GABRA3: variants seen among roughly 807,000 people sequenced by gnomAD.
GABRA3 encodes the protein gamma-aminobutyric acid type A receptor subunit alpha3.
A neutral mutation model predicts 30.1 loss-of-function variants in GABRA3; 10 were observed. That is an observed-to-expected ratio of 0.33 (90% CI 0.20 to 0.56). The LOEUF is 0.56. GABRA3 is among the 20% of genes least tolerant of loss of function. GABRA3 has a pLI of 0.89. For synonymous variants in GABRA3, 151 were observed against 146.8 expected, an observed-to-expected ratio of 1.03 and a Z score of -0.21; for missense variants, 233 against 392.0, an observed-to-expected ratio of 0.59 and a Z score of 3.42.
chrX:152,262,386 T>C (rs1448822978), intron 4 of GABRA3, among the ~76,000 whole-genome samples: 2 of 112,280 alleles, frequency 1.8e-5, no homozygotes, highest in African/African-American at 6.5e-5. Context: ...AGTGTGCAAA[T>C]TTTCCAAACT....
intron 1 of GABRA3, among the ~76,000 whole-genome samples, chrX:152,444,686 T>A (rs1931016630): frequency 9.5e-6 from 1 of 105,688 alleles, no homozygotes; most frequent in African/African-American, 3.4e-5. Context: ...CATAATTCCA[T>A]CTCCATCCAC....
chrX:152,355,610 C>T (rs1371662647), intron 2 of GABRA3, among the ~76,000 whole-genome samples: 1 of 111,883 alleles, frequency 8.9e-6, no homozygotes, highest in Non-Finnish European at 1.9e-5. Context: ...TTAGTCTCTG[C>T]AAATATATCC....
At chrX:152,333,402 A>C (rs1455966950) in intron 3 of GABRA3, among the ~76,000 whole-genome samples, 1 of 111,912 alleles carries the variant, frequency 8.9e-6, no homozygotes, top group Non-Finnish European at 1.9e-5. Context: ...AAATATCAAA[A>C]GCTTTCCACT....
chrX:152,348,467 A>G (rs1185517212), intron 2 of GABRA3, among the ~76,000 whole-genome samples: 1 of 111,837 alleles, frequency 8.9e-6, no homozygotes. Flanking sequence ...AAAAATGAAA[A>G]TGACGTTACT....
intron 4 of GABRA3, among the ~76,000 whole-genome samples, chrX:152,270,668 A>C (rs994379876): frequency 9.1e-6 from 1 of 110,347 alleles, no homozygotes; most frequent in African/African-American, 3.3e-5. Flanking sequence ...CAGCCTGGCC[A>C]ACGTGGTGAA....
intron 3 of GABRA3, among the ~76,000 whole-genome samples, chrX:152,310,805 G>T (rs773818350): frequency 9.0e-6 from 1 of 110,752 alleles, no homozygotes; most frequent in South Asian, 3.8e-4. Flanking sequence ...AAGACTGAAA[G>T]ACCACTAATT....
intron 4 of GABRA3, among the ~76,000 whole-genome samples, chrX:152,265,592 G>GA (rs990141950): frequency 3.6e-5 from 4 of 110,775 alleles, no homozygotes; most frequent in African/African-American, 1.3e-4. Flanking sequence ...TAAAGAACTA[G>GA]AAAAAACAAG....
chrX:152,424,269 C>T (rs538494391), intron 1 of GABRA3, among the ~76,000 whole-genome samples: 83 of 109,292 alleles, frequency 7.6e-4, no homozygotes, highest in Non-Finnish European at 1.3e-3. Flanking sequence ...ATGTCTATTT[C>T]GTCTAACTTT....
intron 1 of GABRA3, among the ~76,000 whole-genome samples, chrX:152,449,750 T>C (rs1371988441): frequency 8.9e-6 from 1 of 112,114 alleles, no homozygotes; most frequent in African/African-American, 3.2e-5. Context: ...TAGTGCTTCA[T>C]GGTTAAGACC....
chrX:152,270,755 T>A (rs1428336154), intron 4 of GABRA3, among the ~76,000 whole-genome samples: 5 of 108,573 alleles, frequency 4.6e-5, no homozygotes, highest in Non-Finnish European at 9.5e-5. Flanking sequence ...CTTGGGAGGC[T>A]GAGGTAGGAG....
chrX:152,439,039 A>G (rs944410518), intron 1 of GABRA3, among the ~76,000 whole-genome samples: 4 of 111,195 alleles, frequency 3.6e-5, no homozygotes, highest in African/African-American at 1.3e-4. Flanking sequence ...AAAGACGTTA[A>G]TAATAAGGGA....
intron 1 of GABRA3, among the ~76,000 whole-genome samples, chrX:152,424,928 C>CTTTTTTTTTTTTTTTTTTTTTTTT (rs747255822): frequency 2.4e-4 from 10 of 42,354 alleles, no homozygotes; most frequent in Non-Finnish European, 3.1e-4. Flanking sequence ...TTTTTCTTTT[C>CTTTTTTTTTTTTTTTTTTTTTTTT]TTTTTTTTTT....
chrX:152,254,250 A>G (rs951144636), intron 5 of GABRA3, among the ~76,000 whole-genome samples: 4 of 109,737 alleles, frequency 3.6e-5, no homozygotes, highest in African/African-American at 1.3e-4. Flanking sequence ...CCCTTCCCCT[A>G]CTTCTCTATG....
chrX:152,334,990 C>T (rs1940213213), intron 3 of GABRA3, among the ~76,000 whole-genome samples: 1 of 111,501 alleles, frequency 9.0e-6, no homozygotes, highest in African/African-American at 3.3e-5. Flanking sequence ...CATTTCTCAT[C>T]CAGGAATAAG....
chrX:152,190,268 A>T (rs1295947586), intron 8 of GABRA3, among the ~76,000 whole-genome samples: 2 of 110,192 alleles, frequency 1.8e-5, no homozygotes, highest in Non-Finnish European at 3.8e-5. Flanking sequence ...GAAAAAAAAA[A>T]ACTAGCTCAC....
At chrX:152,335,274 A>AC (rs749974240) in intron 3 of GABRA3, among the ~76,000 whole-genome samples, 424 of 111,707 alleles carry the variant, frequency 3.8e-3, no homozygotes, top group Non-Finnish European at 6.3e-3. Context: ...CCTTGTTCTC[A>AC]CCCCAAGAAC....
intron 1 of GABRA3, among the ~76,000 whole-genome samples, chrX:152,445,775 G>A (rs926115516): frequency 9.9e-5 from 11 of 111,257 alleles, no homozygotes; most frequent in African/African-American, 3.3e-4. Flanking sequence ...TCCCCCCACC[G>A]TATTTTACAG....
intron 5 of GABRA3, among the ~76,000 whole-genome samples, chrX:152,254,446 A>G (rs1261450057): frequency 9.1e-6 from 1 of 109,426 alleles, no homozygotes; most frequent in Admixed American, 9.8e-5. Context: ...CATTTCTCCA[A>G]TATACATGCC....
intron 6 of GABRA3, among the ~76,000 whole-genome samples, chrX:152,220,495 A>G (rs773826868): frequency 9.0e-6 from 1 of 111,659 alleles, no homozygotes; most frequent in East Asian, 2.8e-4. Context: ...GTTTATTACA[A>G]TGAGCTCTGC....
Sources: gnomAD v4.1 joint callset for allele counts (sites outside exome capture counted in the v4.1 genomes callset) on GRCh38, gnomAD v4.1.1 for gene constraint, MANE v1.5 for transcripts, NCBI Gene and HGNC (gene_info 2026-07-23, HGNC 2026-07-21) for gene names.